The following SSBP2 variants were observed in gnomAD, a reference collection of about 807,000 sequenced individuals.
SSBP2 encodes the protein single-stranded DNA-binding protein 2.
SSBP2 carries 17 observed loss-of-function variants against 61.8 expected under a neutral mutation model. The observed-to-expected ratio is 0.28, with a 90% CI of 0.19 to 0.41. The LOEUF (loss-of-function observed/expected upper bound fraction) is 0.41. Ranked by LOEUF, SSBP2 falls within the 10% of genes least tolerant of loss-of-function variation. The pLI, the probability that SSBP2 is intolerant of heterozygous loss-of-function variation, is 1.00. For missense variants in SSBP2, 310 were observed against 458.7 expected (o/e 0.68, Z 2.96); for synonymous variants, 139 against 141.3 (o/e 0.98, Z 0.12).
chr5:81,677,818 AC>A (rs1047087766), intron 1 of SSBP2, among the ~76,000 whole-genome samples: 65 of 134,500 alleles, frequency 4.8e-4, no homozygotes, highest in African/African-American at 1.6e-3. Flanking sequence ...ATCTTGTCCC[AC>A]CTTAAGGGTG....
At chr5:81,572,474 A>C (rs1773909678) in intron 4 of SSBP2, among the ~76,000 whole-genome samples, 1 of 152,222 alleles carries the variant, frequency 6.6e-6, no homozygotes, top group Non-Finnish European at 1.5e-5. Flanking sequence ...TTAAATAGTC[A>C]TCAAGAAGGT....
intron 4 of SSBP2, among the ~76,000 whole-genome samples, chr5:81,607,866 G>A (rs1033855624): frequency 6.6e-6 from 1 of 152,162 alleles, no homozygotes; most frequent in Admixed American, 6.5e-5. Context: ...TTGGGATGCA[G>A]AGTTCGAGCT....
intron 4 of SSBP2, among the ~76,000 whole-genome samples, chr5:81,568,951 A>G (rs1035750296): frequency 6.6e-6 from 1 of 152,146 alleles, no homozygotes; most frequent in African/African-American, 2.4e-5. Context: ...GAGGGAGGGA[A>G]GTTGGTTGGA....
intron 4 of SSBP2, among the ~76,000 whole-genome samples, chr5:81,549,557 GC>G (rs1772014335): frequency 6.6e-6 from 1 of 152,096 alleles, no homozygotes; most frequent in South Asian, 2.1e-4. Context: ...GCTTTCCCAA[GC>G]AAAACTCTAA....
chr5:81,681,175 C>A (rs1752351263), intron 1 of SSBP2, among the ~76,000 whole-genome samples: 1 of 152,180 alleles, frequency 6.6e-6, no homozygotes, highest in Non-Finnish European at 1.5e-5. Flanking sequence ...AACACACACA[C>A]AAGTCAAAGA....
At chr5:81,710,055 CT>C (rs1475579237) in intron 1 of SSBP2, among the ~76,000 whole-genome samples, 2 of 151,956 alleles carry the variant, frequency 1.3e-5, no homozygotes, top group Non-Finnish European at 2.9e-5. Flanking sequence ...ATTCAGCAAA[CT>C]TACTGCTTAT....
At chr5:81,665,639 G>A (rs1474162240) in intron 1 of SSBP2, among the ~76,000 whole-genome samples, 9 of 152,110 alleles carry the variant, frequency 5.9e-5, no homozygotes, top group Non-Finnish European at 1.2e-4. Context: ...GATTACAGGC[G>A]CCAGGCACCA....
intron 15 of SSBP2, among the ~76,000 whole-genome samples, chr5:81,433,009 A>C (rs1276014155): frequency 2.7e-5 from 4 of 149,918 alleles, no homozygotes; most frequent in African/African-American, 9.9e-5. Context: ...CCGCCCGGCC[A>C]GCCGCCCCTT....
rs144707417 is a variant in SSBP2 at position 81,748,556 on chromosome 5, AAAC to A, written c.62+2422_62+2424del. Among the ~76,000 whole-genome samples, 1,168 of 152,356 alleles carry A rather than the reference AAAC, an allele frequency of 7.7e-3. 9 individuals carry two copies. Among genetic ancestry groups the A allele is most frequent in the Non-Finnish European group, 0.012 (803 of 68,032 alleles). On this transcript the variant is annotated intron_variant, in intron 1 of 16. Coordinates refer to ENST00000320672, the MANE Select transcript of SSBP2 (RefSeq NM_012446.5). ...CTACGTCGATGTTTGTCTTAGATTC[AAAC>A]AACATTAACCTAGAAATTAATGCAA...
intron 4 of SSBP2, among the ~76,000 whole-genome samples, chr5:81,599,472 A>T (rs1421030762): frequency 6.6e-6 from 1 of 152,232 alleles, no homozygotes; most frequent in Non-Finnish European, 1.5e-5. Context: ...AATTCCTTGC[A>T]GCAATTTGCT....
intron 1 of SSBP2, among the ~76,000 whole-genome samples, chr5:81,688,413 G>A (rs1417812946): frequency 6.6e-6 from 1 of 152,082 alleles, no homozygotes; most frequent in Non-Finnish European, 1.5e-5. Context: ...AGAGCCCTAG[G>A]GCCTTGAGCA....
intron 5 of SSBP2, among the ~76,000 whole-genome samples, chr5:81,512,003 T>C (rs1768646799): frequency 6.6e-6 from 1 of 152,200 alleles, no homozygotes; most frequent in Admixed American, 6.5e-5. Context: ...CATCTTGGCT[T>C]AACCCTAGAA....
chr5:81,524,803 G>A (rs1769789618), intron 4 of SSBP2, among the ~76,000 whole-genome samples: 1 of 152,096 alleles, frequency 6.6e-6, no homozygotes, highest in Non-Finnish European at 1.5e-5. Context: ...ACAGGGAGGG[G>A]AAGAAGAATG....
At chr5:81,479,365 A>G (rs1765815198) in intron 6 of SSBP2, among the ~76,000 whole-genome samples, 1 of 152,022 alleles carries the variant, frequency 6.6e-6, no homozygotes, top group South Asian at 2.1e-4. Context: ...ATCTTCACTT[A>G]CTGCAACCTA....
chr5:81,483,138 C>T (rs940670566), intron 6 of SSBP2, among the ~76,000 whole-genome samples: 15 of 152,002 alleles, frequency 9.9e-5, no homozygotes, highest in African/African-American at 3.6e-4. Flanking sequence ...AAAACAATTA[C>T]AATAGTCACA....
At chr5:81,491,731 A>G (rs1561463877) in intron 5 of SSBP2, among the ~76,000 whole-genome samples, 1 of 152,218 alleles carries the variant, frequency 6.6e-6, no homozygotes. Context: ...AAAGAAATAG[A>G]AAACCACTTA....
chr5:81,675,316 C>A (rs55854930), intron 1 of SSBP2, among the ~76,000 whole-genome samples: 3,420 of 152,228 alleles, frequency 0.022, 126 homozygotes, highest in African/African-American at 0.078. Context: ...GGTACATTCA[C>A]TTGCCTAAAG....
chr5:81,576,095 A>G (rs888298648), intron 4 of SSBP2, among the ~76,000 whole-genome samples: 4 of 152,076 alleles, frequency 2.6e-5, no homozygotes, highest in Non-Finnish European at 5.9e-5. Flanking sequence ...CAGATTACTT[A>G]GCTAGTTTGT....
chr5:81,537,420 AC>A, intron 4 of SSBP2, among the ~76,000 whole-genome samples: 1 of 152,274 alleles, frequency 6.6e-6, no homozygotes, highest in East Asian at 1.9e-4. Context: ...AATTTCAGTG[AC>A]CATCATGAGA....
Sources: gnomAD v4.1 joint callset for allele counts (sites outside exome capture counted in the v4.1 genomes callset) on GRCh38, gnomAD v4.1.1 for gene constraint, MANE v1.5 for transcripts, NCBI Gene and HGNC (gene_info 2026-07-23, HGNC 2026-07-21) for gene names.